The following FAM228B variants were observed in gnomAD, a reference collection of about 807,000 sequenced individuals.
The protein encoded by FAM228B is family with sequence similarity 228 member B.
FAM228B carries 38 observed loss-of-function variants against 42.6 expected under a neutral mutation model. The ratio of observed to expected loss-of-function variants is 0.89; its 90% CI spans 0.69 to 1.17. The LOEUF (loss-of-function observed/expected upper bound fraction) is 1.17, where lower values mean the gene tolerates loss of function less well. Ranked by LOEUF, FAM228B falls within the 50% of genes most tolerant of loss-of-function variation. The pLI is 0.00. For missense variants in FAM228B, 344 were observed against 367.3 expected, an observed-to-expected ratio of 0.94 and a Z score of 0.52; for synonymous variants, 109 against 122.3, an observed-to-expected ratio of 0.89 and a Z score of 0.72.
chr2:24,141,083 CTT>C (rs879837381), intron 5 of FAM228B, among the ~76,000 whole-genome samples: 6 of 145,636 alleles, frequency 4.1e-5, no homozygotes, highest in Admixed American at 6.9e-5. Context: ...AAATAGATAC[CTT>C]TTTTTTTTTT....
rs374474198 is a variant in FAM228B, at chr2:24,164,316, C to T, written c.913C>T (p.Arg305Trp). The part of the protein sequence containing the change: ...YFSSLSLSQE[R>W]EEDQDGSPSP... The stretch of plus-strand genomic sequence containing the variant: ...TTCTTCCTTGAGCCTCAGCCAGGAA[C>T]GGGAGGAAGACCAGGATGGGTAAGA... Residue 305 changes from arginine (R) to tryptophan (W), a missense_variant, in exon 9 of 11, where the codon CGG (arginine) becomes TGG (tryptophan). Arg to Trp is a moderately radical substitution (Grantham distance 101). Transcript: ENST00000615575. The T allele has an allele frequency of 5.5e-5, 85 of 1,550,694 alleles. No homozygotes were observed. The African/African-American group carries it at 8.3e-4, about 15-fold the overall frequency.
intron 3 of FAM228B, among the ~76,000 whole-genome samples, chr2:24,112,150 C>T (rs1665807637): frequency 6.6e-6 from 1 of 152,240 alleles, no homozygotes; most frequent in Middle Eastern, 3.4e-3. Flanking sequence ...AATTTAAAGA[C>T]ATTCAAGGTC....
intron 3 of FAM228B, among the ~76,000 whole-genome samples, chr2:24,136,245 G>T (rs79386807): frequency 6.6e-6 from 1 of 150,522 alleles, no homozygotes; most frequent in South Asian, 2.1e-4. Flanking sequence ...ATTTTTTTTT[G>T]AAACGGAGTC....
chr2:24,137,050 C>T (rs1033865938), intron 3 of FAM228B, among the ~76,000 whole-genome samples: 2 of 152,174 alleles, frequency 1.3e-5, no homozygotes, highest in African/African-American at 2.4e-5. Context: ...TGACTTATTT[C>T]ACTTTGGCAT....
At position 24,134,956 on chromosome 2, in the gene FAM228B, G is replaced by A. The variant is rs113588138; in HGVS notation, c.100-163G>A. ...CGACAGAACAAGACTCTGTCTCAAA[G>A]AAACAAACAAAAAAAAGCACTCGAT... On this transcript the variant is annotated intron_variant, in intron 2 of 10. Transcript: ENST00000615575. 2.7e-3 allele frequency among the ~76,000 whole-genome samples: 403 copies of A among 152,016 alleles called. 2 individuals are homozygous for A. The highest frequency in any genetic ancestry group is 9.4e-3 in the African/African-American group (391 of 41,472).
At chr2:24,124,743 GTATTTATT>G (rs578143510) in intron 2 of FAM228B, among the ~76,000 whole-genome samples, 2 of 151,986 alleles carry the variant, frequency 1.3e-5, no homozygotes, top group Admixed American at 1.3e-4. Context: ...TTGATATGAT[GTATTTATT>G]TATTTATTTA....
At chr2:24,124,840 G>T (rs928451905) in intron 2 of FAM228B, among the ~76,000 whole-genome samples, 1 of 151,878 alleles carries the variant, frequency 6.6e-6, no homozygotes, top group African/African-American at 2.4e-5. Context: ...AAGTATAGGC[G>T]CACGCCACCA....
rs369011268 is a variant in FAM228B, at chr2:24,106,414, G to A, written c.-121+11185G>A. ...AGCTCACTGCAACCTCTACCTCCTG[G>A]GTTCAAGTGATTCTTCTGTCTCAGC... On this transcript the variant is annotated intron_variant, in intron 3 of 10. Coordinates refer to the FAM228B transcript ENST00000613899. Among the ~76,000 whole-genome samples the A allele has an allele frequency of 1.4e-4, 21 of 148,308 alleles. No homozygotes were observed. The East Asian group carries it at 2.4e-3, about 17-fold the overall frequency.
chr2:24,167,073 T>G (rs555826658), intron 9 of FAM228B, among the ~76,000 whole-genome samples: 2 of 151,010 alleles, frequency 1.3e-5, no homozygotes, highest in East Asian at 2.0e-4. Flanking sequence ...AGGTCTGGAG[T>G]AGGGGGGAAA....
intron 5 of FAM228B, among the ~76,000 whole-genome samples, chr2:24,141,539 C>T (rs886339502): frequency 2.7e-5 from 4 of 148,758 alleles, no homozygotes; most frequent in African/African-American, 7.5e-5. Context: ...CCACCGCGCC[C>T]GGCCTAATTT....
At position 24,146,786 on chromosome 2, in the gene FAM228B, A is replaced by T; in HGVS notation, c.480A>T (p.Ala160=). The change falls in exon 6 of 11, where the codon GCA becomes GCT. Residue 160 remains alanine (A), a synonymous_variant. Coordinates refer to ENST00000615575, the MANE Select transcript of FAM228B (RefSeq NM_001145710.2). ...IPPFHDPLKK[A]QYDKDNEKRT... ...CATTTCATGACCCTTTGAAAAAAGC[A>T]CAATATGACAAGGATAACGAAAAAA... is the stretch of plus-strand genomic sequence containing the variant. 1 of 1,550,358 alleles carries T rather than the reference A, an allele frequency of 6.5e-7. No individual in the cohort carries two copies. Among genetic ancestry groups the T allele is most frequent in the Non-Finnish European group, 8.7e-7 (1 of 1,146,078 alleles).
upstream of FAM228B, chr2:24,119,468 T>C: frequency 1.3e-6 from 1 of 747,394 alleles, no homozygotes; most frequent in Non-Finnish European, 2.2e-6. Context: ...ATCCTTCCAA[T>C]AAATTCCTCC....
At chr2:24,120,821 G>C (rs1666088649), upstream of FAM228B, among the ~76,000 whole-genome samples, 1 of 151,850 alleles carries the variant, frequency 6.6e-6, no homozygotes, top group South Asian at 2.1e-4. Flanking sequence ...ACAGGTGTGA[G>C]CCACTGTGCC....
Position 24,077,530 on chromosome 2 carries a change from G to A in FAM228B, c.-290+561G>A. 2.6e-6 allele frequency: 4 copies of A among 1,558,790 alleles called. No individual in the cohort carries two copies. The highest frequency in any genetic ancestry group is 1.7e-6 in the Non-Finnish European group (2 of 1,153,498). On this transcript the variant is annotated intron_variant, in intron 1 of 10. Transcript: ENST00000613899. This position sits in a 1 kb window ranked among gnomAD's most constrained non-coding sequence, Gnocchi z 5.5. Reference sequence around the variant, plus strand: ...TCTATTGTGAATCTTCTCCAGGTTTGCTCTGGAAAGGCCTGGGGTGGCCGC... The same window carrying A: ...TCTATTGTGAATCTTCTCCAGGTTTACTCTGGAAAGGCCTGGGGTGGCCGC...
At chr2:24,159,669 G>A (rs542806225) in intron 7 of FAM228B, among the ~76,000 whole-genome samples, 1 of 152,278 alleles carries the variant, frequency 6.6e-6, no homozygotes, top group South Asian at 2.1e-4. Flanking sequence ...GAATCCATAT[G>A]CATCCCGTCC....
At chr2:24,141,499 C>T (rs1044091252) in intron 5 of FAM228B, among the ~76,000 whole-genome samples, 9 of 152,168 alleles carry the variant, frequency 5.9e-5, no homozygotes, top group South Asian at 2.1e-4. Flanking sequence ...CCGCCTCGAC[C>T]TCCCAAAGTA....
intron 3 of FAM228B, among the ~76,000 whole-genome samples, chr2:24,102,502 C>T (rs1448004660): frequency 6.6e-6 from 1 of 152,126 alleles, no homozygotes; most frequent in Non-Finnish European, 1.5e-5. Flanking sequence ...CTTTGGAAGC[C>T]CAAGGCAGGC....
chr2:24,123,937 G>A (rs1298127886), intron 1 of FAM228B, among the ~76,000 whole-genome samples: 1 of 152,192 alleles, frequency 6.6e-6, no homozygotes, highest in Non-Finnish European at 1.5e-5. Context: ...GCCCCTCCCT[G>A]CCTTCTCTAA....
chr2:24,132,566 G>A (rs952856120), intron 2 of FAM228B, among the ~76,000 whole-genome samples: 3 of 141,018 alleles, frequency 2.1e-5, no homozygotes, highest in Admixed American at 7.9e-5. Context: ...CTTCTTCCTC[G>A]TTTAGTCTTG....
Sources: allele counts gnomAD v4.1 joint callset (sites outside exome capture counted in the v4.1 genomes callset), GRCh38; gene constraint gnomAD v4.1.1; non-coding constraint Gnocchi (gnomAD v3.1); transcripts MANE v1.5; gene names NCBI Gene and HGNC (gene_info 2026-07-23, HGNC 2026-07-21).